BRD10: variants seen among roughly 807,000 people sequenced by gnomAD.
BRD10 encodes uncharacterized bromodomain-containing protein 10.
At chr9:5,916,517 A>ATG in the BRD10 span, among the ~76,000 whole-genome samples, 1 of 140,200 alleles carries the variant, frequency 7.1e-6, no homozygotes, top group African/African-American at 2.7e-5. Context: ...GTATATATAC[A>ATG]TATGTGTGTA....
the BRD10 span, chr9:5,922,104 G>C: frequency 1.9e-6 from 3 of 1,613,852 alleles, no homozygotes; most frequent in African/African-American, 1.3e-5. Context: ...TTTTGATCTG[G>C]GTTGGTCTGT....
At chr9:5,925,020 GACA>G in the BRD10 span, among the ~76,000 whole-genome samples, 1 of 152,148 alleles carries the variant, frequency 6.6e-6, no homozygotes, top group Non-Finnish European at 1.5e-5. Flanking sequence ...TGCTCAGGAA[GACA>G]GAACCTATGG....
chr9:6,002,715 C>T, the BRD10 span, among the ~76,000 whole-genome samples: 4 of 146,714 alleles, frequency 2.7e-5, no homozygotes, highest in Non-Finnish European at 4.5e-5. Flanking sequence ...CCACTCTTAT[C>T]ACCCAGGCTG....
At chr9:5,986,607 C>T in the BRD10 span, among the ~76,000 whole-genome samples, 1 of 152,292 alleles carries the variant, frequency 6.6e-6, no homozygotes, top group Non-Finnish European at 1.5e-5. Flanking sequence ...TCCTACTTCT[C>T]CACAGCACAG....
the BRD10 span, among the ~76,000 whole-genome samples, chr9:5,931,069 G>C: frequency 3.3e-5 from 5 of 152,320 alleles, no homozygotes; most frequent in East Asian, 9.6e-4. Context: ...TATACTCTTT[G>C]TGGCAGAATT....
At chr9:5,969,634 C>T in the BRD10 span, among the ~76,000 whole-genome samples, 3 of 152,152 alleles carry the variant, frequency 2.0e-5, no homozygotes, top group Non-Finnish European at 2.9e-5. Flanking sequence ...ACCTCTGCCT[C>T]GCGGGTTCAA....
chr9:5,928,306 G>C, the BRD10 span, among the ~76,000 whole-genome samples: 1 of 152,102 alleles, frequency 6.6e-6, no homozygotes, highest in Non-Finnish European at 1.5e-5. Context: ...TACTGCTATA[G>C]TATACTGGTT....
At chr9:5,966,313 T>C in the BRD10 span, among the ~76,000 whole-genome samples, 6,715 of 152,180 alleles carry the variant, frequency 0.044, 164 homozygotes, top group African/African-American at 0.05. Flanking sequence ...AACCACTTTA[T>C]TGCCTTTGAG....
At chr9:5,973,809 G>C in the BRD10 span, among the ~76,000 whole-genome samples, 1 of 152,188 alleles carries the variant, frequency 6.6e-6, no homozygotes, top group African/African-American at 2.4e-5. Context: ...TTGAGCCCAG[G>C]AGGTCAAGGT....
the BRD10 span, chr9:5,921,115 T>A: frequency 6.2e-7 from 1 of 1,613,968 alleles, no homozygotes; most frequent in South Asian, 1.1e-5. Context: ...AATTTGAGCT[T>A]ACTGGAACTG....
the BRD10 span, chr9:5,954,240 G>A: frequency 1.7e-6 from 1 of 603,228 alleles, no homozygotes; most frequent in Non-Finnish European, 2.9e-6. Context: ...ATCAAAACAA[G>A]CCCCAGTAAA....
chr9:5,979,497 G>A, the BRD10 span, among the ~76,000 whole-genome samples: 1 of 150,662 alleles, frequency 6.6e-6, no homozygotes, highest in South Asian at 2.1e-4. Flanking sequence ...GACAGAGTGA[G>A]AACCTGTCTC....
chr9:6,006,657 G>A, the BRD10 span, among the ~76,000 whole-genome samples: 1 of 152,154 alleles, frequency 6.6e-6, no homozygotes, highest in South Asian at 2.1e-4. Flanking sequence ...GAAACGGAGA[G>A]AAAAGATCAG....
the BRD10 span, among the ~76,000 whole-genome samples, chr9:5,985,453 A>T: frequency 2.0e-5 from 3 of 152,206 alleles, no homozygotes; most frequent in Non-Finnish European, 4.4e-5. Flanking sequence ...AACACTTGTG[A>T]ACACATATAT....
chr9:5,920,313 T>G, the BRD10 span: 2 of 1,613,846 alleles, frequency 1.2e-6, no homozygotes, highest in Middle Eastern at 3.3e-4. Context: ...ATAAACCGGG[T>G]TCCGTTAATC....
the BRD10 span, among the ~76,000 whole-genome samples, chr9:5,947,882 CCT>C: frequency 6.6e-6 from 1 of 152,030 alleles, no homozygotes; most frequent in Non-Finnish European, 1.5e-5. Context: ...CTTATTAAAA[CCT>C]CCTTCTCATT....
At chr9:5,954,204 G>A in the BRD10 span, 1 of 638,162 alleles carries the variant, frequency 1.6e-6, no homozygotes, top group Non-Finnish European at 2.8e-6. Context: ...ACAGATGGCT[G>A]CTAGTGAGTC....
At chr9:5,913,369 A>G in the BRD10 span, among the ~76,000 whole-genome samples, 2 of 152,222 alleles carry the variant, frequency 1.3e-5, no homozygotes, top group African/African-American at 2.4e-5. Context: ...CAGTTACATG[A>G]TGATGCATCA....
chr9:5,898,789 T>C, the BRD10 span: 3 of 152,204 alleles, frequency 2.0e-5, no homozygotes, highest in Non-Finnish European at 4.4e-5. Flanking sequence ...TTCCAAGTTC[T>C]TCTGACTCTA....
Sources: allele counts gnomAD v4.1 joint callset (sites outside exome capture counted in the v4.1 genomes callset), GRCh38; gene constraint gnomAD v4.1.1; transcripts MANE v1.5; gene names NCBI Gene and HGNC (gene_info 2026-07-23, HGNC 2026-07-21).